Variants in FANCD2 observed in about 807,000 individuals in gnomAD.
FANCD2 encodes FA complementation group D2, also known as Fanconi anemia group D2 protein.
Under a neutral mutation model 192.3 loss-of-function variants are expected in FANCD2, and 131 were observed. That is an observed-to-expected ratio of 0.68 (90% CI 0.59 to 0.79). The LOEUF (loss-of-function observed/expected upper bound fraction) is 0.79, where lower values mean the gene tolerates loss of function less well. FANCD2 is among the 30% of genes least tolerant of loss of function. The probability of loss-of-function intolerance (pLI) is 0.00; values close to 1 mark genes in which losing one functional copy is unlikely to be tolerated. For missense variants in FANCD2, 1,508 were observed against 1,701.6 expected (o/e 0.89, Z 2.00); for synonymous variants, 524 against 612.5 (o/e 0.86, Z 2.13).
intron 18 of FANCD2, among the ~76,000 whole-genome samples, chr3:10,058,959 CAGT>C (rs1280220783): frequency 3.3e-5 from 5 of 152,192 alleles, no homozygotes; most frequent in African/African-American, 1.2e-4. Context: ...TCCATGAAGA[CAGT>C]AGCTCTTTCC....
At position 10,028,720 on chromosome 3, in the gene FANCD2, CAGTA is replaced by C; in HGVS notation, c.64+4_64+7del. On this transcript the variant is annotated splice_donor_variant and splice_donor_region_variant and coding_sequence_variant and intron_variant, in exon 2 of 44. Transcript: ENST00000675286. LOFTEE classifies it high-confidence loss of function. Reference sequence around the variant, plus strand: ...AAGAGAGCCTGACAGAAGATGCCTCCAGTAAGTATCTAGTCATTTGTTGCTTTAT... The same window carrying C: ...AAGAGAGCCTGACAGAAGATGCCTCCAGTATCTAGTCATTTGTTGCTTTAT... 1.2e-6 allele frequency: 2 copies of C among 1,612,104 alleles called. No individual in the cohort carries two copies. The highest frequency in any genetic ancestry group is 1.7e-6 in the Non-Finnish European group (2 of 1,178,226).
Position 10,032,831 on chromosome 3 carries a change from G to T in FANCD2, c.65-1G>T, listed in dbSNP as rs1185068065. 2 of 1,611,598 alleles carry T rather than the reference G, an allele frequency of 1.2e-6. No individual in the cohort carries two copies. The highest frequency in any genetic ancestry group is 1.7e-6 in the Non-Finnish European group (2 of 1,178,990). On this transcript the variant is annotated splice_acceptor_variant, in intron 2 of 43. Transcript: ENST00000675286. LOFTEE classifies it high-confidence loss of function. ...ATTCTTGAAAATTTTTCTATTTTCA[G>T]AAACCAGGAAGCAACCACTTTCCAA...
rs1319690526 is a variant in FANCD2, at chr3:10,054,446, CATATATAT to C, written c.1656+1970_1656+1977del. ...ATATACATGTATATACATGTATATA[CATATATAT>C]ATATATATATATATATATATTTTTT... On this transcript the variant is annotated intron_variant, in intron 18 of 43. Transcript: ENST00000675286. 2.2e-3 allele frequency among the ~76,000 whole-genome samples: 82 copies of C among 36,496 alleles called. 2 individuals are homozygous for C. Among genetic ancestry groups the C allele is most frequent in the Middle Eastern group, 0.025 (1 of 40 alleles). The allele number at this position is 36,496 out of a possible 152,430, so 23.9% of individuals were successfully genotyped here.
Position 10,063,966 on chromosome 3 carries a change from A to T in FANCD2, c.1947+55A>T. On this transcript the variant is annotated intron_variant, in intron 21 of 43. Transcript: ENST00000675286. ...TAAAGCATGAGAGCTGCTTTACTAC[A>T]CTCTTCAAGTCTTTCTGTTGCAGTG... 3 of 1,613,252 alleles carry T rather than the reference A, an allele frequency of 1.9e-6. No individual in the cohort carries two copies. The South Asian group carries it at 3.3e-5, about 18-fold the overall frequency.
Position 10,065,846 on chromosome 3 carries a change from A to T in FANCD2, c.2270-18A>T, listed in dbSNP as rs757337813. On this transcript the variant is annotated intron_variant, in intron 24 of 43. Coordinates refer to ENST00000675286, the MANE Select transcript of FANCD2 (RefSeq NM_001018115.3). ...TGGCTTGCACTAAAGGTAGTTGGAA[A>T]TGTTTGTTCTCTCTCAGATTGTCCT... The T allele has an allele frequency of 2.6e-6, 4 of 1,511,442 alleles. No individual in the cohort carries two copies. The highest frequency in any genetic ancestry group is 1.7e-5 in the Admixed American group (1 of 59,852). 93.6% of individuals were successfully genotyped at this position (1,511,442 alleles called of 1,614,324 possible). A position where few individuals can be genotyped will look rare whatever the true frequency, so the allele number is the denominator to read the frequency against.
chr3:10,036,086 C>CTTTTGTTTTTTTTTTTTTTTTTTTTTT (rs2086721855), intron 6 of FANCD2, among the ~76,000 whole-genome samples: 1 of 102,602 alleles, frequency 9.7e-6, no homozygotes, highest in Non-Finnish European at 2.0e-5. Flanking sequence ...TTATACATTT[C>CTTTTGTTTTTTTTTTTTTTTTTTTTTT]TTTTTTTTTT....
At chr3:10,086,641 C>T (rs558363562) in intron 33 of FANCD2, among the ~76,000 whole-genome samples, 53 of 152,152 alleles carry the variant, frequency 3.5e-4, no homozygotes, top group Admixed American at 2.5e-3. Flanking sequence ...GCTGACACAC[C>T]CTACTAATTT....
chr3:10,041,382 T>C, intron 9 of FANCD2: 1 of 437,354 alleles, frequency 2.3e-6, no homozygotes. Flanking sequence ...GTTCTCTGGG[T>C]AGTGGGGATT....
At chr3:10,072,261 A>G (rs1413092955) in intron 26 of FANCD2, among the ~76,000 whole-genome samples, 5 of 151,406 alleles carry the variant, frequency 3.3e-5, no homozygotes, top group Non-Finnish European at 5.9e-5. Context: ...GTGCGCCATA[A>G]ATATATATAT....
rs757359450 is a variant in FANCD2, at chr3:10,039,855, C to A, written c.695+10C>A. On this transcript the variant is annotated intron_variant, in intron 9 of 43. Coordinates refer to ENST00000675286, the MANE Select transcript of FANCD2 (RefSeq NM_001018115.3). The stretch of plus-strand genomic sequence containing the variant: ...TGGGGAAAGAACTCAGGTGGATAAA[C>A]CCTCTGTCATCATCTAAGTGAGGCT... The A allele has an allele frequency of 2.5e-6, 4 of 1,613,932 alleles. No homozygotes were observed. The highest frequency in any genetic ancestry group is 3.4e-6 in the Non-Finnish European group (4 of 1,180,010).
At chr3:10,045,832 C>G (rs549387907) in intron 14 of FANCD2, 1 of 151,834 alleles carries the variant, frequency 6.6e-6, no homozygotes, top group East Asian at 1.9e-4. Context: ...GAACTCCTGA[C>G]GTCGTAATCC....
chr3:10,067,328 T>A lies in FANCD2; in HGVS notation c.2494+11T>A, dbSNP rs1242994967. On this transcript the variant is annotated intron_variant, in intron 26 of 43. Transcript: ENST00000675286. ...AAAAGTACTTGGCAGGTAAGAGAAG[T>A]GTCCTATACTGGTAGTACTACTAGG... 1 of 1,500,400 alleles carries A rather than the reference T, an allele frequency of 6.7e-7. No homozygotes were observed. Among genetic ancestry groups the A allele is most frequent in the African/African-American group, 1.4e-5 (1 of 72,610 alleles). The allele number at this position is 1,500,400 out of a possible 1,614,324, so 92.9% of individuals were successfully genotyped here.
At position 10,070,145 on chromosome 3, in the gene FANCD2, C is replaced by G. The variant is rs548423041; in HGVS notation, c.2495-2726C>G. On this transcript the variant is annotated intron_variant, in intron 26 of 43. Transcript: ENST00000675286. ...TCTGGGAGGTGAGGAGCGTCTCTGC[C>G]CGGCTGCCCCGTATGAGAAGTGAGG... Among the ~76,000 whole-genome samples, 262 of 151,318 alleles carry G rather than the reference C, an allele frequency of 1.7e-3. 2 individuals carry two copies. Among genetic ancestry groups the G allele is most frequent in the African/African-American group, 6.2e-3 (257 of 41,190 alleles).
rs34067373 is a variant in FANCD2 at position 10,094,504 on chromosome 3, T to A, written c.3963+141T>A. The A allele has an allele frequency of 3.6e-4, 279 of 777,408 alleles. No individual in the cohort carries two copies. The East Asian group carries it at 6.2e-3, about 17-fold the overall frequency. 48.2% of individuals were successfully genotyped at this position (777,408 alleles called of 1,614,324 possible). ...TCAGCTGTAGCCAGAGATCCCCAAA[T>A]TGGACTGAATATTCCAAAGTAGGCT... is the stretch of plus-strand genomic sequence containing the variant. On this transcript the variant is annotated intron_variant, in intron 40 of 43. Transcript: ENST00000675286.
intron 20 of FANCD2, among the ~76,000 whole-genome samples, chr3:10,063,470 A>T (rs2087624665): frequency 6.6e-6 from 1 of 152,164 alleles, no homozygotes; most frequent in Admixed American, 6.6e-5. Context: ...TTGAGAGAGA[A>T]AACAGAGAGC....
At chr3:10,087,300 T>TA (rs1553614381) in intron 34 of FANCD2, 36 bp downstream of exon 34, 3 of 1,437,764 alleles carry the variant, frequency 2.1e-6, no homozygotes, top group Non-Finnish European at 1.9e-6. Context: ...TTTTTTTTTT[T>TA]AATGAATAGG....
intron 29 of FANCD2, among the ~76,000 whole-genome samples, chr3:10,077,336 T>C (rs907889156): frequency 6.6e-6 from 1 of 152,038 alleles, no homozygotes; most frequent in African/African-American, 2.4e-5. Context: ...ACAGGCGTTA[T>C]CACCTGAGGT....
chr3:10,081,428 A>G lies in FANCD2; in HGVS notation c.3188A>G (p.Gln1063Arg). The stretch of plus-strand genomic sequence containing the variant: ...TACCACATAATGTCTTCCTGCTATC[A>G]GAGGCTGCTGCAGATTTTTCATGGG... ...QEYHIMSSCY[Q>R]RLLQIFHGLF... The change falls in exon 32 of 44, where the codon CAG (glutamine) becomes CGG (arginine). Residue 1063 changes from glutamine to arginine, a missense_variant. Transcript: ENST00000675286. The G allele has an allele frequency of 6.2e-7, 1 of 1,614,104 alleles. No individual in the cohort carries two copies. The highest frequency in any genetic ancestry group is 2.2e-5 in the East Asian group (1 of 44,884).
chr3:10,026,789 C>T (rs1190488067), intron 1 of FANCD2, among the ~76,000 whole-genome samples: 2 of 152,164 alleles, frequency 1.3e-5, no homozygotes, highest in East Asian at 3.8e-4. Flanking sequence ...GGAAGCCGGA[C>T]GTGCTGACAA....
Sources: allele counts gnomAD v4.1 joint callset (sites outside exome capture counted in the v4.1 genomes callset), GRCh38; gene constraint gnomAD v4.1.1; transcripts MANE v1.5; gene names NCBI Gene and HGNC (gene_info 2026-07-23, HGNC 2026-07-21).